Variants in CENPF observed in about 807,000 individuals in gnomAD.
CENPF encodes the protein centromere protein F, also known as AH antigen.
A neutral mutation model predicts 307.3 loss-of-function variants in CENPF; 214 were observed. The observed-to-expected ratio is 0.70, with a 90% CI of 0.62 to 0.78. The LOEUF (loss-of-function observed/expected upper bound fraction) is 0.78. Ranked by LOEUF, CENPF falls within the 30% of genes least tolerant of loss-of-function variation. The pLI, the probability that CENPF is intolerant of heterozygous loss-of-function variation, is 0.00. For missense variants in CENPF, 3,401 were observed against 3,483.9 expected, an observed-to-expected ratio of 0.98 and a Z score of 0.60; for synonymous variants, 1,259 against 1,270.6, an observed-to-expected ratio of 0.99 and a Z score of 0.19.
Position 214,663,642 on chromosome 1 carries a change from C to T in CENPF, c.9193C>T (p.Pro3065Ser), listed in dbSNP as rs373341650. The T allele has an allele frequency of 1.2e-6, 2 of 1,613,978 alleles. No homozygotes were observed. The highest frequency in any genetic ancestry group is 1.3e-5 in the African/African-American group (1 of 74,872). ...PVDSGTILRE[P>S]TTKSVPVNNL... ...AGATTCAGGCACCATCCTCCGAGAA[C>T]CCACCACGAAATCCGTCCCAGTCAA... The change falls in exon 20 of 20, where the codon CCC becomes TCC. Residue 3065 changes from proline (P) to serine (S), a missense_variant. Pro to Ser is a moderately conservative substitution (Grantham distance 74). Transcript: ENST00000366955.
At position 214,619,347 on chromosome 1, in the gene CENPF, A is replaced by G. The variant is rs564982357; in HGVS notation, c.573+127A>G. On this transcript the variant is annotated intron_variant, in intron 5 of 19. Coordinates refer to ENST00000366955, the MANE Select transcript of CENPF (RefSeq NM_016343.4). ...CTTTTTGTGTGTGTGTGTGCTGAGA[A>G]AAGGTTTTGGGCTCAGTGGAGGTGA... 29 of 526,854 alleles carry G rather than the reference A, an allele frequency of 5.5e-5. No individual in the cohort carries two copies. The Middle Eastern group carries it at 2.0e-3, about 36-fold the overall frequency. The allele number at this position is 526,854 out of a possible 1,614,324, so 32.6% of individuals were successfully genotyped here. A position where few individuals can be genotyped will look rare whatever the true frequency, so the allele number is the denominator to read the frequency against.
chr1:214,647,647 C>T (rs1658350113), intron 13 of CENPF, among the ~76,000 whole-genome samples: 1 of 152,132 alleles, frequency 6.6e-6, no homozygotes, highest in Non-Finnish European at 1.5e-5. Context: ...TAATGTGGCA[C>T]CTACATAAGG....
At chr1:214,635,661 A>G (rs1362567333) in intron 10 of CENPF, among the ~76,000 whole-genome samples, 1 of 152,208 alleles carries the variant, frequency 6.6e-6, no homozygotes, top group East Asian at 1.9e-4. Context: ...TGGGTTGGTC[A>G]TAGCCATAGC....
rs375735845 is a variant in CENPF, at chr1:214,642,374, G to T, written c.4036G>T (p.Val1346Phe). Residue 1346 changes from valine to phenylalanine, a missense_variant, in exon 12 of 20, where the codon GTT becomes TTT. Transcript: ENST00000366955. ...AGAGGTAGGGAAACTACTAAATGAA[G>T]TTAAAATATTAAATGATGACAGTGG... ...AEEVGKLLNE[V>F]KILNDDSGLL... The T allele has an allele frequency of 1.2e-6, 2 of 1,611,916 alleles. No homozygotes were observed. Among genetic ancestry groups the T allele is most frequent in the East Asian group, 2.2e-5 (1 of 44,868 alleles).
At chr1:214,605,602 C>T (rs773049289) in intron 1 of CENPF, 611 of 1,324,316 alleles carry the variant, frequency 4.6e-4, no homozygotes, top group Non-Finnish European at 6.1e-4. Flanking sequence ...CCACATGCAG[C>T]CCCTGGGGGG....
rs368853837 is a variant in CENPF, at chr1:214,614,889, G to T, written c.220G>T (p.Glu74Ter). 6.2e-7 allele frequency: 1 copy of T among 1,608,386 alleles called. No homozygotes were observed. The highest frequency in any genetic ancestry group is 8.5e-7 in the Non-Finnish European group (1 of 1,177,986). The change falls in exon 3 of 20, where the codon GAA (glutamate) becomes TAA (stop). Residue 74 changes from glutamate (E) to a stop codon, truncating the protein, a stop_gained. Transcript: ENST00000366955. LOFTEE classifies it high-confidence loss of function. The stretch of plus-strand genomic sequence containing the variant: ...GAAAAGGGAGAATCAAAGATTGATG[G>T]AAATATGTGAAAGTCTGGAGAAAAC... The part of the protein sequence containing the change: ...NLKRENQRLM[E>*]ICESLEKTKQ...
At chr1:214,632,208 G>C (rs1341546282) in intron 9 of CENPF, among the ~76,000 whole-genome samples, 1 of 151,962 alleles carries the variant, frequency 6.6e-6, no homozygotes, top group Non-Finnish European at 1.5e-5. Flanking sequence ...TTAATACCTA[G>C]CTGTTTTATT....
At chr1:214,608,981 AGCCCCGTTAGGAG>A in intron 1 of CENPF, 1 of 839,796 alleles carries the variant, frequency 1.2e-6, no homozygotes, top group South Asian at 2.5e-5. Context: ...CCCAGACGGC[AGCCCCGTTAGGAG>A]GCCAGGGCCC....
intron 3 of CENPF, among the ~76,000 whole-genome samples, chr1:214,616,304 G>T (rs755971987): frequency 1.3e-5 from 2 of 152,244 alleles, no homozygotes; most frequent in African/African-American, 4.8e-5. Context: ...AATAAGATAC[G>T]AATTTAAAGT....
At chr1:214,624,127 C>T (rs1657587629) in intron 7 of CENPF, among the ~76,000 whole-genome samples, 1 of 151,982 alleles carries the variant, frequency 6.6e-6, no homozygotes, top group Non-Finnish European at 1.5e-5. Context: ...TGGAATAAAC[C>T]CTAATTTCTT....
chr1:214,648,708 C>T lies in CENPF; in HGVS notation c.7864C>T (p.Gln2622Ter). 1 of 1,613,662 alleles carries T rather than the reference C, an allele frequency of 6.2e-7. No homozygotes were observed. Among genetic ancestry groups the T allele is most frequent in the Non-Finnish European group, 8.5e-7 (1 of 1,179,852 alleles). Residue 2622 changes from glutamine (Q) to a stop codon, truncating the protein, a stop_gained, in exon 14 of 20, where the codon CAG becomes TAG. Coordinates refer to ENST00000366955, the MANE Select transcript of CENPF (RefSeq NM_016343.4). LOFTEE classifies it high-confidence loss of function. ...AATGACTGCAAAGGAAACTGAGCTG[C>T]AGAGGGAAATGCATGAGATGGCACA... is the stretch of plus-strand genomic sequence containing the variant. The part of the protein sequence containing the change: ...NKMTAKETEL[Q>*]REMHEMAQKT...
intron 13 of CENPF, 140 bp from the exon 14 acceptor site, chr1:214,648,535 A>ATT: frequency 1.1e-6 from 1 of 881,256 alleles, no homozygotes; most frequent in African/African-American, 1.6e-5. Context: ...AGTTGAGTGG[A>ATT]TTAGTAAAGG....
rs1173706730 is a variant in CENPF, at chr1:214,615,105, A to G, written c.359+77A>G. ...GATGCGTTTGTCTTTTCCTTTAACA[A>G]TATAATTATTATACTTTGCAATTTT... On this transcript the variant is annotated intron_variant, in intron 3 of 19. Coordinates refer to ENST00000366955, the MANE Select transcript of CENPF (RefSeq NM_016343.4). 6 of 1,059,576 alleles carry G rather than the reference A, an allele frequency of 5.7e-6. No homozygotes were observed. The Admixed American group carries it at 9.2e-5, about 16-fold the overall frequency. 65.6% of individuals were successfully genotyped at this position (1,059,576 alleles called of 1,614,324 possible).
intron 11 of CENPF, among the ~76,000 whole-genome samples, 166 bp downstream of exon 11, chr1:214,638,167 A>G (rs1395304110): frequency 6.6e-6 from 1 of 152,132 alleles, no homozygotes; most frequent in Non-Finnish European, 1.5e-5. Flanking sequence ...TCTAGTTTTT[A>G]GTTTCCAGAG....
intron 19 of CENPF, among the ~76,000 whole-genome samples, chr1:214,662,565 G>A (rs1280109686): frequency 6.6e-6 from 1 of 152,136 alleles, no homozygotes; most frequent in Non-Finnish European, 1.5e-5. Flanking sequence ...CAGTTGCTCA[G>A]GGAGTGTCTG....
At position 214,644,651 on chromosome 1, in the gene CENPF, G is replaced by T. The variant is rs151163618; in HGVS notation, c.5081G>T (p.Cys1694Phe). Residue 1694 changes from cysteine (C) to phenylalanine (F), a missense_variant, in exon 13 of 20, where the codon TGT (cysteine) becomes TTT (phenylalanine). By Grantham distance (205) the Cys-to-Phe change is radical (BLOSUM62 -2). Coordinates refer to ENST00000366955, the MANE Select transcript of CENPF (RefSeq NM_016343.4). ...CCAAAGCATGATGTTCATCAGATTT[G>T]TGATAAAGATGCTCAGCAGGACCTC... is the stretch of plus-strand genomic sequence containing the variant. ...RTPKHDVHQI[C>F]DKDAQQDLNL... 36 of 1,613,988 alleles carry T rather than the reference G, an allele frequency of 2.2e-5. 1 individual carries two copies. Among genetic ancestry groups the T allele is most frequent in the Non-Finnish European group, 3.0e-5 (35 of 1,179,980 alleles).
intron 9 of CENPF, among the ~76,000 whole-genome samples, chr1:214,631,691 G>C (rs1465265237): frequency 6.6e-6 from 1 of 152,134 alleles, no homozygotes; most frequent in Non-Finnish European, 1.5e-5. Context: ...GTAGAGACGA[G>C]GTTTCACCAG....
rs145538443 is a variant in CENPF, at chr1:214,618,620, A to T, written c.407A>T (p.Asp136Val). The T allele has an allele frequency of 7.4e-6, 12 of 1,614,044 alleles. No homozygotes were observed. The African/African-American group carries it at 1.5e-4, about 20-fold the overall frequency. Residue 136 changes from aspartate to valine, a missense_variant, in exon 4 of 20, where the codon GAT becomes GTT. Transcript: ENST00000366955. ...ERSQQAAQSA[D>V]VSLNPCNTPQ... ...AGCCAACAAGCTGCGCAGTCTGCAG[A>T]TGTCTCTCTGAATCCATGCAATACA...
At chr1:214,628,689 A>G (rs1458279131) in intron 7 of CENPF, among the ~76,000 whole-genome samples, 4 of 152,210 alleles carry the variant, frequency 2.6e-5, no homozygotes, top group Non-Finnish European at 5.9e-5. Context: ...GCATTTTAAT[A>G]TTTAAAATTT....
Sources: allele counts gnomAD v4.1 joint callset (sites outside exome capture counted in the v4.1 genomes callset), GRCh38; gene constraint gnomAD v4.1.1; transcripts MANE v1.5; gene names NCBI Gene and HGNC (gene_info 2026-07-23, HGNC 2026-07-21).